TTF2: variants seen among roughly 807,000 people sequenced by gnomAD.
TTF2 encodes the protein RNA polymerase II termination factor.
TTF2 carries 108 observed loss-of-function variants against 142.4 expected under a neutral mutation model. That is an observed-to-expected ratio of 0.76 (90% CI 0.65 to 0.89). The LOEUF is 0.89. Among genes scored for constraint, TTF2 ranks in the 40% least tolerant of loss-of-function variants. The probability of loss-of-function intolerance (pLI) is 0.00; values close to 1 mark genes in which losing one functional copy is unlikely to be tolerated. For synonymous variants in TTF2, 483 were observed against 506.2 expected (o/e 0.95, Z 0.61); for missense variants, 1,327 against 1,379.8 (o/e 0.96, Z 0.61).
Position 117,078,081 on chromosome 1 carries a change from C to G in TTF2, c.1701+38C>G, listed in dbSNP as rs749692763. Reference sequence around the variant, plus strand: ...AGACTCCTGGTGTAGTCCTCTATGACAGTGCTCCAGCAGCCCCATGAAACT... The same window carrying G: ...AGACTCCTGGTGTAGTCCTCTATGAGAGTGCTCCAGCAGCCCCATGAAACT... On this transcript the variant is annotated intron_variant, in intron 8 of 22. Transcript: ENST00000369466. The G allele has an allele frequency of 7.5e-6, 12 of 1,598,390 alleles. No individual in the cohort carries two copies. In the South Asian group the frequency reaches 1.1e-4, roughly 15 times the overall value.
At chr1:117,068,658 C>T (rs2101344208) in intron 3 of TTF2, among the ~76,000 whole-genome samples, 1 of 152,164 alleles carries the variant, frequency 6.6e-6, no homozygotes, top group Admixed American at 6.5e-5. Context: ...TAGAAAACTC[C>T]TCGTGTTGTT....
Position 117,087,212 on chromosome 1 carries a change from T to C in TTF2, c.2160+690T>C, listed in dbSNP as rs141280241. ...CTTATAACCAACTCTGACTTATAGATGATGAACTTTTCAGATTGCTCACTG... is the reference window on the plus strand; with the variant it reads ...CTTATAACCAACTCTGACTTATAGACGATGAACTTTTCAGATTGCTCACTG... On this transcript the variant is annotated intron_variant, in intron 12 of 22. Transcript: ENST00000369466. This position sits in a 1 kb window ranked among gnomAD's most constrained non-coding sequence, Gnocchi z 4.8. Among the ~76,000 whole-genome samples the C allele has an allele frequency of 3.2e-3, 481 of 152,358 alleles. 1 individual carries two copies. Among genetic ancestry groups the C allele is most frequent in the African/African-American group, 0.011 (458 of 41,574 alleles).
chr1:117,099,217 C>T lies in TTF2; in HGVS notation c.3344+310C>T, dbSNP rs1649391812. Among the ~76,000 whole-genome samples the T allele has an allele frequency of 6.6e-6, 1 of 152,024 alleles. No individual in the cohort carries two copies. Among genetic ancestry groups the T allele is most frequent in the African/African-American group, 2.4e-5 (1 of 41,380 alleles). On this transcript the variant is annotated intron_variant, in intron 22 of 22. Transcript: ENST00000369466. This position sits in a 1 kb window ranked among gnomAD's most constrained non-coding sequence, Gnocchi z 4.3. The stretch of plus-strand genomic sequence containing the variant: ...GACATAATTTCAGACATACAGAAAA[C>T]GTACAAGAATAGTACCAAAAAGTTC...
At position 117,099,851 on chromosome 1, in the gene TTF2, C is replaced by T. The variant is rs746935005; in HGVS notation, c.3344+944C>T. ...TCTTGTTAAGGGGCACCAATGACTT[C>T]CAGACTTTGCTAAATATAGTGATTA... On this transcript the variant is annotated intron_variant, in intron 22 of 22. Transcript: ENST00000369466. The surrounding 1 kb of genome is among the most constrained non-coding windows in gnomAD (Gnocchi z 4.3). Among the ~76,000 whole-genome samples the T allele has an allele frequency of 3.9e-5, 6 of 152,214 alleles. No individual in the cohort carries two copies. Among genetic ancestry groups the T allele is most frequent in the Admixed American group, 6.5e-5 (1 of 15,286 alleles).
Position 117,076,075 on chromosome 1 carries a change from A to T in TTF2, c.1276-105A>T. The T allele has an allele frequency of 7.5e-7, 1 of 1,328,630 alleles. No individual in the cohort carries two copies. The highest frequency in any genetic ancestry group is 1.4e-5 in the South Asian group (1 of 69,254). The allele number at this position is 1,328,630 out of a possible 1,614,324, so 82.3% of individuals were successfully genotyped here. ...GTTCTGGTTTTTGCACACATATTTA[A>T]AAGACCATAATTTCAGAGTTTGGGT... is the stretch of plus-strand genomic sequence containing the variant. On this transcript the variant is annotated intron_variant, in intron 5 of 22. Transcript: ENST00000369466. The surrounding 1 kb of genome is among the most constrained non-coding windows in gnomAD (Gnocchi z 4.6).
In TTF2 at chr1:117,106,429, A is replaced by C. The variant is rs1570903305; in HGVS notation, c.*4905A>C. 1 of 152,216 alleles carries C rather than the reference A, an allele frequency of 6.6e-6. No homozygotes were observed. The highest frequency in any genetic ancestry group is 1.5e-5 in the Non-Finnish European group (1 of 68,030). 9.4% of individuals were successfully genotyped at this position (152,216 alleles called of 1,614,324 possible). On this transcript the variant is annotated 3_prime_UTR_variant, in exon 23 of 23. Transcript: ENST00000369466. ...ATAGGTAGAGACTACTTCAGAAAGG[A>C]TGAGACTATTTTCTTGCTTAATTAT...
At chr1:117,094,425 A>G (rs1249337240) in intron 18 of TTF2, among the ~76,000 whole-genome samples, 1 of 152,110 alleles carries the variant, frequency 6.6e-6, no homozygotes, top group Non-Finnish European at 1.5e-5. Flanking sequence ...AGCAGCTGGG[A>G]AGAATGAGCC....
At position 117,091,366 on chromosome 1, in the gene TTF2, G is replaced by A; in HGVS notation, c.2627G>A (p.Arg876Lys). 1 of 1,613,418 alleles carries A rather than the reference G, an allele frequency of 6.2e-7. No individual in the cohort carries two copies. The highest frequency in any genetic ancestry group is 8.5e-7 in the Non-Finnish European group (1 of 1,179,890). Reference sequence around the variant, plus strand: ...TCCTATCTAAAAAGACATGAAAGTAGAGGCAACCAATCTGGAAGAAGCCCT... The same window carrying A: ...TCCTATCTAAAAAGACATGAAAGTAAAGGCAACCAATCTGGAAGAAGCCCT... ...LQSYLKRHESRGNQSGRSPNN... is the reference protein window; with the variant it reads ...LQSYLKRHESKGNQSGRSPNN... Residue 876 changes from arginine to lysine, a missense_variant, in exon 16 of 23, where the codon AGA (arginine) becomes AAA (lysine). By Grantham distance (26) the Arg-to-Lys change is conservative. Transcript: ENST00000369466.
intron 2 of TTF2, among the ~76,000 whole-genome samples, chr1:117,061,512 G>A (rs1655686780): frequency 6.6e-6 from 1 of 152,148 alleles, no homozygotes; most frequent in Non-Finnish European, 1.5e-5. Flanking sequence ...GTACATAATG[G>A]ATATCAGTAT....
chr1:117,081,748 C>T, intron 9 of TTF2, 80 bp from the exon 10 acceptor site: 1 of 1,520,518 alleles, frequency 6.6e-7, no homozygotes. Flanking sequence ...GAAATGTCTG[C>T]CAGTGGTTTC....
At chr1:117,084,290 A>G (rs914373238) in intron 11 of TTF2, 122 bp downstream of exon 11, 2 of 1,258,826 alleles carry the variant, frequency 1.6e-6, no homozygotes, top group Non-Finnish European at 2.2e-6. Context: ...AGCCAAAGAC[A>G]GATCTTTAGT....
rs572841722 is a variant in TTF2, at chr1:117,085,041, T to C, written c.2054+873T>C. On this transcript the variant is annotated intron_variant, in intron 11 of 22. Coordinates refer to ENST00000369466, the MANE Select transcript of TTF2 (RefSeq NM_003594.4). This position sits in a 1 kb window ranked among gnomAD's most constrained non-coding sequence, Gnocchi z 4.7. Reference sequence around the variant, plus strand: ...CCTGCAGGCCTTCCCTGGCATAGATTACTGTGAGTTGTCTGCCTTTGTGCT... The same window carrying C: ...CCTGCAGGCCTTCCCTGGCATAGATCACTGTGAGTTGTCTGCCTTTGTGCT... 6.6e-6 allele frequency among the ~76,000 whole-genome samples: 1 copy of C among 152,298 alleles called. No homozygotes were observed. Among genetic ancestry groups the C allele is most frequent in the East Asian group, 1.9e-4 (1 of 5,182 alleles).
Position 117,092,933 on chromosome 1 carries a change from G to C in TTF2, c.2976+32G>C. On this transcript the variant is annotated intron_variant, in intron 18 of 22. Transcript: ENST00000369466. The surrounding 1 kb of genome is among the most constrained non-coding windows in gnomAD (Gnocchi z 4.4). ...TTTGTCTCCTCTGTAGTAGTCGAGA[G>C]ACTTCGATTCCTCACACATTTTCCT... 4 of 1,610,814 alleles carry C rather than the reference G, an allele frequency of 2.5e-6. No homozygotes were observed. The highest frequency in any genetic ancestry group is 3.4e-6 in the Non-Finnish European group (4 of 1,178,236).
chr1:117,101,832 T>A lies in TTF2; in HGVS notation c.*308T>A. On this transcript the variant is annotated 3_prime_UTR_variant, in exon 23 of 23. Transcript: ENST00000369466. The surrounding 1 kb of genome is among the most constrained non-coding windows in gnomAD (Gnocchi z 5.9). Reference sequence around the variant, plus strand: ...GGAAAACAACTCTGGCAGAATTGTATATAAGCTTCAGTAAAGTTCAAAAAG... The same window carrying A: ...GGAAAACAACTCTGGCAGAATTGTAAATAAGCTTCAGTAAAGTTCAAAAAG... 4.7e-6 allele frequency: 1 copy of A among 214,034 alleles called. No homozygotes were observed. The highest frequency in any genetic ancestry group is 9.1e-6 in the Non-Finnish European group (1 of 109,304). The allele number at this position is 214,034 out of a possible 1,614,324, so 13.3% of individuals were successfully genotyped here.
chr1:117,101,652 TCC>T lies in TTF2; in HGVS notation c.*129_*130del. 9.3e-7 allele frequency: 1 copy of T among 1,079,336 alleles called. No individual in the cohort carries two copies. Among genetic ancestry groups the T allele is most frequent in the Non-Finnish European group, 1.2e-6 (1 of 805,000 alleles). 66.9% of individuals were successfully genotyped at this position (1,079,336 alleles called of 1,614,324 possible). ...AATTTCACCGTCAAGCCTTTCACCT[TCC>T]TCAAAATGAGGCATAATCTTATCCC... On this transcript the variant is annotated 3_prime_UTR_variant, in exon 23 of 23. Transcript: ENST00000369466. The surrounding 1 kb of genome is among the most constrained non-coding windows in gnomAD (Gnocchi z 5.9).
In TTF2 at chr1:117,085,922, A is replaced by C. The variant is rs1188394243; in HGVS notation, c.2055-495A>C. ...ATCAGTGAATTTTCACAAATCCATT[A>C]TAGAGTGGTGGGAGGAAAGCACCAT... On this transcript the variant is annotated intron_variant, in intron 11 of 22. Coordinates refer to ENST00000369466, the MANE Select transcript of TTF2 (RefSeq NM_003594.4). This position sits in a 1 kb window ranked among gnomAD's most constrained non-coding sequence, Gnocchi z 4.7. Among the ~76,000 whole-genome samples the C allele has an allele frequency of 2.0e-5, 3 of 152,216 alleles. No homozygotes were observed. Among genetic ancestry groups the C allele is most frequent in the African/African-American group, 7.2e-5 (3 of 41,448 alleles).
At position 117,076,866 on chromosome 1, in the gene TTF2, G is replaced by T; in HGVS notation, c.1573+43G>T. 6.4e-7 allele frequency: 1 copy of T among 1,550,580 alleles called. No individual in the cohort carries two copies. The highest frequency in any genetic ancestry group is 8.7e-7 in the Non-Finnish European group (1 of 1,143,662). On this transcript the variant is annotated intron_variant, in intron 7 of 22. Transcript: ENST00000369466. This position sits in a 1 kb window ranked among gnomAD's most constrained non-coding sequence, Gnocchi z 4.6. ...GACCCTGCTGTGAATAGCCACCCCTGTGAGTTACGTGCCACCCGGTACAGT... is the reference window on the plus strand; with the variant it reads ...GACCCTGCTGTGAATAGCCACCCCTTTGAGTTACGTGCCACCCGGTACAGT...
chr1:117,101,806 T>G lies in TTF2; in HGVS notation c.*282T>G, dbSNP rs1388543270. The G allele has an allele frequency of 3.8e-6, 1 of 260,146 alleles. No homozygotes were observed. Among genetic ancestry groups the G allele is most frequent in the East Asian group, 6.9e-5 (1 of 14,554 alleles). The allele number at this position is 260,146 out of a possible 1,614,324, so 16.1% of individuals were successfully genotyped here. On this transcript the variant is annotated 3_prime_UTR_variant, in exon 23 of 23. Transcript: ENST00000369466. The surrounding 1 kb of genome is among the most constrained non-coding windows in gnomAD (Gnocchi z 5.9). ...AATATGTTTTAGAGTTGGATGATTT[T>G]GGAAAACAACTCTGGCAGAATTGTA...
intron 18 of TTF2, 137 bp from the exon 19 acceptor site, chr1:117,095,172 C>A: frequency 1.4e-6 from 1 of 728,988 alleles, no homozygotes; most frequent in Non-Finnish European, 2.3e-6. Flanking sequence ...TTTCTGGCTG[C>A]AGAGAGGAGG....
Sources: gnomAD v4.1 joint callset for allele counts (sites outside exome capture counted in the v4.1 genomes callset) on GRCh38, gnomAD v4.1.1 for gene constraint, Gnocchi (gnomAD v3.1) non-coding constraint, MANE v1.5 for transcripts, NCBI Gene and HGNC (gene_info 2026-07-23, HGNC 2026-07-21) for gene names.